Variants in AOX1 observed in about 807,000 individuals in gnomAD.
AOX1 encodes aldehyde oxidase.
In AOX1, 153 loss-of-function variants were observed where a neutral mutation model predicts 169.5. That is an observed-to-expected ratio of 0.90 (90% CI 0.79 to 1.03). AOX1 has a LOEUF of 1.03. AOX1 is among the 50% of genes least tolerant of loss of function. AOX1 has a pLI of 0.00. For missense variants in AOX1, 1,656 were observed against 1,663.9 expected (o/e 1.00, Z 0.08); for synonymous variants, 562 against 581.9 (o/e 0.97, Z 0.49).
chr2:200,642,758 G>A lies in AOX1; in HGVS notation c.2804G>A (p.Cys935Tyr). Residue 935 changes from cysteine (C) to tyrosine (Y), a missense_variant, in exon 25 of 35, where the codon TGT becomes TAT. Cys to Tyr is a radical substitution (Grantham distance 194). Coordinates refer to ENST00000374700, the MANE Select transcript of AOX1 (RefSeq NM_001159.4). Reference protein sequence around the residue: ...FPQAALITESCITEVAAKCGL... With the variant: ...FPQAALITESYITEVAAKCGL... ...CAGGCAGCGCTGATCACCGAATCTT[G>A]TATCACGGAAGTTGCAGCCAAATGT... 6.2e-7 allele frequency: 1 copy of A among 1,613,898 alleles called. No individual in the cohort carries two copies. The highest frequency in any genetic ancestry group is 8.5e-7 in the Non-Finnish European group (1 of 1,179,890).
chr2:200,606,781 C>CTTG (rs1303254222), intron 10 of AOX1, among the ~76,000 whole-genome samples: 1 of 151,984 alleles, frequency 6.6e-6, no homozygotes, highest in Non-Finnish European at 1.5e-5. Context: ...TGGCTCTCTG[C>CTTG]TTGTCTATTG....
intron 31 of AOX1, among the ~76,000 whole-genome samples, chr2:200,665,620 C>T (rs193089814): frequency 1.1e-4 from 17 of 152,240 alleles, no homozygotes; most frequent in East Asian, 3.9e-4. Flanking sequence ...TTAGTAGAGA[C>T]GGCATTTCAC....
intron 4 of AOX1, among the ~76,000 whole-genome samples, chr2:200,599,044 C>T (rs1008686227): frequency 6.6e-6 from 1 of 152,142 alleles, no homozygotes; most frequent in Admixed American, 6.5e-5. Context: ...ATGCGGAACT[C>T]CCATTGTTAC....
chr2:200,680,150 G>C (rs1176249202), downstream of AOX1, among the ~76,000 whole-genome samples: 3 of 152,184 alleles, frequency 2.0e-5, no homozygotes, highest in South Asian at 6.2e-4. Context: ...TGTTTGGTCT[G>C]TGTAAATAGT....
chr2:200,604,016 G>C lies in AOX1; in HGVS notation c.589-1G>C. On this transcript the variant is annotated splice_acceptor_variant, in intron 7 of 34. Transcript: ENST00000374700. LOFTEE classifies it high-confidence loss of function. ...TAATTTCTGATATGTTCTCTTTTTA[G>C]ACAAGTCCAAAACTCTTCGCAGAAG... 2 of 1,606,178 alleles carry C rather than the reference G, an allele frequency of 1.2e-6. No homozygotes were observed. Among genetic ancestry groups the C allele is most frequent in the Non-Finnish European group, 1.7e-6 (2 of 1,173,010 alleles).
At chr2:200,655,984 T>C (rs998493118) in intron 26 of AOX1, among the ~76,000 whole-genome samples, 2 of 152,248 alleles carry the variant, frequency 1.3e-5, no homozygotes, top group African/African-American at 2.4e-5. Flanking sequence ...CAGAATTTTC[T>C]GAAGACCTTG....
Position 200,662,989 on chromosome 2 carries a change from G to C in AOX1, c.3543+20G>C, listed in dbSNP as rs779060239. 1.2e-6 allele frequency: 2 copies of C among 1,601,840 alleles called. No homozygotes were observed. The highest frequency in any genetic ancestry group is 2.2e-5 in the East Asian group (1 of 44,820). On this transcript the variant is annotated intron_variant, in intron 31 of 34. Coordinates refer to ENST00000374700, the MANE Select transcript of AOX1 (RefSeq NM_001159.4). ...CATAAGGTCAGTACCGGTTGGAAAG[G>C]TCTTCAAGTTGCACTTAGGATGCAC... is the stretch of plus-strand genomic sequence containing the variant.
In AOX1 at chr2:200,651,185, C is replaced by T. The variant is rs2035574605; in HGVS notation, c.3059C>T (p.Ser1020Leu). Reference protein sequence around the residue: ...VPLKFPVGLGSRAAGQAAALV... With the variant: ...VPLKFPVGLGLRAAGQAAALV... ...CTGAAGTTTCCTGTTGGCCTTGGCT[C>T]ACGTGCTGCTGGTCAGGTGAGTTCT... Residue 1020 changes from serine to leucine, a missense_variant, in exon 26 of 35, where the codon TCA (serine) becomes TTA (leucine). Physicochemically the swap from Ser to Leu is moderately radical, Grantham distance 145. Transcript: ENST00000374700. 1 of 1,614,028 alleles carries T rather than the reference C, an allele frequency of 6.2e-7. No homozygotes were observed. Among genetic ancestry groups the T allele is most frequent in the Non-Finnish European group, 8.5e-7 (1 of 1,180,004 alleles).
chr2:200,663,238 T>C (rs748614055), intron 31 of AOX1, among the ~76,000 whole-genome samples: 2 of 152,318 alleles, frequency 1.3e-5, no homozygotes, highest in South Asian at 4.1e-4. Context: ...AGAAACATGC[T>C]CTAAAGGGGG....
At chr2:200,598,136 A>G (rs2034327763) in intron 4 of AOX1, among the ~76,000 whole-genome samples, 1 of 151,390 alleles carries the variant, frequency 6.6e-6, no homozygotes. Flanking sequence ...AGAGGGAGAG[A>G]GGAGGGAGGA....
At chr2:200,604,588 T>C in intron 8 of AOX1, 108 bp from the exon 9 acceptor site, 1 of 1,204,522 alleles carries the variant, frequency 8.3e-7, no homozygotes, top group Non-Finnish European at 1.2e-6. Flanking sequence ...CTTTATTTTT[T>C]AGAAGATATG....
intron 20 of AOX1, among the ~76,000 whole-genome samples, chr2:200,633,964 T>C (rs1049095783): frequency 6.6e-6 from 1 of 152,106 alleles, no homozygotes; most frequent in African/African-American, 2.4e-5. Flanking sequence ...AGCACCCCAA[T>C]AGAGAGGCTG....
chr2:200,618,894 T>A (rs563954268), intron 16 of AOX1, among the ~76,000 whole-genome samples: 19 of 152,336 alleles, frequency 1.2e-4, no homozygotes, highest in African/African-American at 4.6e-4. Flanking sequence ...ATCGGGGGGA[T>A]CCAGACAGCT....
intron 15 of AOX1, among the ~76,000 whole-genome samples, chr2:200,615,441 C>G (rs1481020103): frequency 1.3e-5 from 2 of 152,202 alleles, no homozygotes; most frequent in Non-Finnish European, 2.9e-5. Flanking sequence ...ACTCACTTCC[C>G]TCAGTCCTGA....
rs1162246563 is a variant in AOX1, at chr2:200,641,274, T to C, written c.2655+90T>C. The C allele has an allele frequency of 6.6e-6, 6 of 909,628 alleles. No individual in the cohort carries two copies. The East Asian group carries it at 1.6e-4, about 24-fold the overall frequency. 56.3% of individuals were successfully genotyped at this position (909,628 alleles called of 1,614,324 possible). On this transcript the variant is annotated intron_variant, in intron 24 of 34. Coordinates refer to ENST00000374700, the MANE Select transcript of AOX1 (RefSeq NM_001159.4). ...GAAAATGCCCAATAGTTAAGTAATA[T>C]TTGATTATAAAGGTATAATGACCAT...
rs775304628 is a variant in AOX1, at chr2:200,638,276, C to G, written c.2542C>G (p.Arg848Gly). 2 of 1,613,438 alleles carry G rather than the reference C, an allele frequency of 1.2e-6. No individual in the cohort carries two copies. The highest frequency in any genetic ancestry group is 3.3e-5 in the Admixed American group (2 of 59,964). Reference protein sequence around the residue: ...RGEDMLITGGRHPYLGKYKAG... With the variant: ...RGEDMLITGGGHPYLGKYKAG... ...AGAAGACATGTTAATAACTGGAGGC[C>G]GCCATCCTTACCTTGGAAAGTACAA... The change falls in exon 23 of 35, where the codon CGC becomes GGC. Residue 848 changes from arginine to glycine, a missense_variant. Arg to Gly is a moderately radical substitution (Grantham distance 125). Transcript: ENST00000374700.
At chr2:200,657,190 A>ATATATATTTTTT in intron 27 of AOX1, among the ~76,000 whole-genome samples, 4 of 62,880 alleles carry the variant, frequency 6.4e-5, no homozygotes, top group African/African-American at 3.2e-4. Context: ...ATATATATAT[A>ATATATATTTTTT]TTTTTTTTTT....
chr2:200,648,046 C>A (rs2035497364), intron 25 of AOX1, among the ~76,000 whole-genome samples: 1 of 152,138 alleles, frequency 6.6e-6, no homozygotes. Flanking sequence ...TCTTGTTCCT[C>A]CCTGATTAGT....
At position 200,637,042 on chromosome 2, in the gene AOX1, CAAGT is replaced by C; in HGVS notation, c.2480+3_2480+6del. The C allele has an allele frequency of 6.2e-7, 1 of 1,613,780 alleles. No homozygotes were observed. The highest frequency in any genetic ancestry group is 8.5e-7 in the Non-Finnish European group (1 of 1,179,868). On this transcript the variant is annotated splice_donor_variant and coding_sequence_variant, in exon 22 of 35. Coordinates refer to ENST00000374700, the MANE Select transcript of AOX1 (RefSeq NM_001159.4). LOFTEE classifies it high-confidence loss of function. ...CAGCCGTCACTGCATTTGCCGCAAACAAGTAAGTGGAGAAAATCTGCTAAAAATA... is the reference window on the plus strand; with the variant it reads ...CAGCCGTCACTGCATTTGCCGCAAACAAGTGGAGAAAATCTGCTAAAAATA...
Sources: allele counts gnomAD v4.1 joint callset (sites outside exome capture counted in the v4.1 genomes callset), GRCh38; gene constraint gnomAD v4.1.1; transcripts MANE v1.5; gene names NCBI Gene and HGNC (gene_info 2026-07-23, HGNC 2026-07-21).